Variants in MAP3K20 observed in about 807,000 individuals in gnomAD.
MAP3K20 encodes the protein HCCS-4.
In MAP3K20, 40 loss-of-function variants were observed where a neutral mutation model predicts 85.7. That is an observed-to-expected ratio of 0.47 (90% CI 0.36 to 0.61). The LOEUF is 0.61. Among genes scored for constraint, MAP3K20 ranks in the 20% least tolerant of loss-of-function variants. MAP3K20 has a pLI of 0.00. For missense variants in MAP3K20, 817 were observed against 961.7 expected (o/e 0.85, Z 1.99); for synonymous variants, 325 against 327.7 (o/e 0.99, Z 0.09).
At chr2:173,169,940 T>C in intron 3 of MAP3K20, 48 bp downstream of exon 3, 1 of 1,527,822 alleles carries the variant, frequency 6.5e-7, no homozygotes, top group Non-Finnish European at 9.1e-7. Context: ...TACCTAGCTT[T>C]AGATTCCTTA....
At chr2:173,234,875 G>A (rs1574143492) in intron 14 of MAP3K20, among the ~76,000 whole-genome samples, 1 of 152,298 alleles carries the variant, frequency 6.6e-6, no homozygotes, top group East Asian at 1.9e-4. Context: ...TTTACACTTT[G>A]CTTCTGGAAG....
intron 2 of MAP3K20, among the ~76,000 whole-genome samples, chr2:173,109,725 A>G (rs1687887845): frequency 6.6e-6 from 1 of 152,080 alleles, no homozygotes; most frequent in Non-Finnish European, 1.5e-5. Flanking sequence ...CTGGAAGGGC[A>G]CTGGCGCCAG....
intron 7 of MAP3K20, among the ~76,000 whole-genome samples, chr2:173,191,937 G>T (rs1690664069): frequency 6.6e-6 from 1 of 152,230 alleles, no homozygotes. Context: ...AGGAAGTGGA[G>T]TGGGAGAGTT....
At chr2:173,076,155 C>T (rs1476092236) in intron 1 of MAP3K20, among the ~76,000 whole-genome samples, 153 bp downstream of exon 1, 1 of 151,332 alleles carries the variant, frequency 6.6e-6, no homozygotes, top group Non-Finnish European at 1.5e-5. Flanking sequence ...CCCTCCCCGA[C>T]CCAGGGCCCG....
rs1162213180 is a variant in MAP3K20 at position 173,222,266 on chromosome 2, TAAG to T, written c.987+5020_987+5022del. On this transcript the variant is annotated intron_variant, in intron 11 of 19. Coordinates refer to ENST00000375213, the MANE Select transcript of MAP3K20 (RefSeq NM_016653.3). ...ATCCAACAACAATACTGAGATGATCTAAGAAGGTTATAACAAAATGCTCTTCAG... is the reference window on the plus strand; with the variant it reads ...ATCCAACAACAATACTGAGATGATCTAAGGTTATAACAAAATGCTCTTCAG... 1.7e-5 allele frequency: 17 copies of T among 985,838 alleles called. No individual in the cohort carries two copies. The African/African-American group carries it at 1.7e-4, about 10-fold the overall frequency. 61.1% of individuals were successfully genotyped at this position (985,838 alleles called of 1,614,324 possible).
At chr2:173,093,951 G>A (rs568652349) in intron 2 of MAP3K20, among the ~76,000 whole-genome samples, 10 of 136,920 alleles carry the variant, frequency 7.3e-5, no homozygotes, top group Admixed American at 2.5e-4. Context: ...AGATCACATG[G>A]ACACAGGAAG....
At chr2:173,254,149 C>T (rs1426408478) in intron 16 of MAP3K20, among the ~76,000 whole-genome samples, 1 of 151,380 alleles carries the variant, frequency 6.6e-6, no homozygotes, top group Non-Finnish European at 1.5e-5. Flanking sequence ...GGCAAAGTGG[C>T]TCACGCCTGT....
At chr2:173,253,563 A>T (rs1320467979) in intron 16 of MAP3K20, among the ~76,000 whole-genome samples, 1 of 152,124 alleles carries the variant, frequency 6.6e-6, no homozygotes, top group Non-Finnish European at 1.5e-5. Flanking sequence ...AATCATCAAC[A>T]CCTTAATAAG....
intron 5 of MAP3K20, 92 bp from the exon 6 acceptor site, chr2:173,190,803 A>G (rs1014813042): frequency 1.7e-6 from 2 of 1,169,126 alleles, no homozygotes; most frequent in Non-Finnish European, 2.4e-6. Context: ...CCCATATTGA[A>G]GACAGAAATA....
chr2:173,266,794 A>T lies in MAP3K20; in HGVS notation c.*44A>T. 2 of 1,367,106 alleles carry T rather than the reference A, an allele frequency of 1.5e-6. No homozygotes were observed. The highest frequency in any genetic ancestry group is 1.9e-6 in the Non-Finnish European group (2 of 1,043,282). 84.7% of individuals were successfully genotyped at this position (1,367,106 alleles called of 1,614,324 possible). On this transcript the variant is annotated 3_prime_UTR_variant, in exon 20 of 20. Transcript: ENST00000375213. ...TTTTCTAAGCAGGTTAAAAAAAAAAAAAAAAAGAAATGTAATGGTTTTTGA... is the reference window on the plus strand; with the variant it reads ...TTTTCTAAGCAGGTTAAAAAAAAAATAAAAAAGAAATGTAATGGTTTTTGA...
chr2:173,253,104 AC>A (rs1174170527), intron 16 of MAP3K20, among the ~76,000 whole-genome samples: 1 of 151,902 alleles, frequency 6.6e-6, no homozygotes, highest in Non-Finnish European at 1.5e-5. Context: ...AGACGCGCTG[AC>A]CCAGCCTGCC....
Position 173,229,742 on chromosome 2 carries a change from T to C in MAP3K20, c.1032+9T>C. 1.2e-6 allele frequency: 2 copies of C among 1,614,174 alleles called. No homozygotes were observed. Among genetic ancestry groups the C allele is most frequent in the Non-Finnish European group, 1.7e-6 (2 of 1,179,986 alleles). ...GGACGGAAGACGATGTGGTAAGCTC[T>C]TTGTATTCATGCCTTATTTGACTTG... On this transcript the variant is annotated intron_variant, in intron 12 of 19. Transcript: ENST00000375213.
chr2:173,194,043 A>T (rs1690744997), intron 7 of MAP3K20, among the ~76,000 whole-genome samples: 1 of 152,180 alleles, frequency 6.6e-6, no homozygotes, highest in African/African-American at 2.4e-5. Flanking sequence ...TTCTGCATTC[A>T]TGCTAGAGCC....
intron 7 of MAP3K20, among the ~76,000 whole-genome samples, chr2:173,191,929 G>A (rs1415037599): frequency 1.3e-5 from 2 of 152,224 alleles, no homozygotes; most frequent in Non-Finnish European, 2.9e-5. Flanking sequence ...CAGAGAGAAG[G>A]AAGTGGAGTG....
At chr2:173,128,802 A>T (rs1314626039) in intron 2 of MAP3K20, among the ~76,000 whole-genome samples, 1 of 152,186 alleles carries the variant, frequency 6.6e-6, no homozygotes, top group African/African-American at 2.4e-5. Flanking sequence ...AAATTACATT[A>T]AATAAGAACC....
intron 12 of MAP3K20, among the ~76,000 whole-genome samples, chr2:173,231,207 G>A (rs1213071606): frequency 6.6e-6 from 1 of 152,212 alleles, no homozygotes; most frequent in African/African-American, 2.4e-5. Context: ...TGTTTACCTA[G>A]CTCAACCTGG....
intron 3 of MAP3K20, among the ~76,000 whole-genome samples, chr2:173,171,308 C>G (rs1350692743): frequency 6.6e-6 from 1 of 152,154 alleles, no homozygotes; most frequent in East Asian, 1.9e-4. Flanking sequence ...AAATCTGAAT[C>G]CAGTGTTCTG....
chr2:173,214,619 C>A (rs1684014600), intron 10 of MAP3K20: 2 of 152,056 alleles, frequency 1.3e-5, no homozygotes, highest in African/African-American at 4.8e-5. Flanking sequence ...ACTCTTTTTA[C>A]AAATTGACCT....
chr2:173,225,077 A>C, intron 11 of MAP3K20: 1 of 985,280 alleles, frequency 1.0e-6, no homozygotes, highest in Non-Finnish European at 1.2e-6. Flanking sequence ...AAAATGTCTC[A>C]CCTTTCATCT....
Sources: gnomAD v4.1 joint callset for allele counts (sites outside exome capture counted in the v4.1 genomes callset) on GRCh38, gnomAD v4.1.1 for gene constraint, MANE v1.5 for transcripts, NCBI Gene and HGNC (gene_info 2026-07-23, HGNC 2026-07-21) for gene names.